Variants in DMD observed in about 807,000 individuals in gnomAD.
DMD encodes the protein mutant dystrophin.
Under a neutral mutation model 330.1 loss-of-function variants are expected in DMD, and 63 were observed. The ratio of observed to expected loss-of-function variants is 0.19; its 90% CI spans 0.16 to 0.24. The LOEUF (loss-of-function observed/expected upper bound fraction) is 0.24, where lower values mean the gene tolerates loss of function less well. DMD is among the 10% of genes least tolerant of loss of function. The pLI is 1.00. For synonymous variants in DMD, 1,223 were observed against 959.8 expected (o/e 1.27, Z -5.07); for missense variants, 3,344 against 2,684.1 (o/e 1.25, Z -5.43).
chrX:32,237,073 AAT>A (rs1218974333), intron 43 of DMD, among the ~76,000 whole-genome samples: 3 of 111,172 alleles, frequency 2.7e-5, no homozygotes, highest in Non-Finnish European at 5.7e-5. Flanking sequence ...AAAATGATCA[AAT>A]ATATGTCTTT....
intron 11 of DMD, among the ~76,000 whole-genome samples, chrX:32,621,796 G>C (rs1287110973): frequency 9.0e-6 from 1 of 110,898 alleles, no homozygotes; most frequent in African/African-American, 3.3e-5. Flanking sequence ...CTCTTCATTA[G>C]TGGTTCTGAA....
At chrX:33,004,035 A>G (rs2093344263) in intron 2 of DMD, among the ~76,000 whole-genome samples, 1 of 112,364 alleles carries the variant, frequency 8.9e-6, no homozygotes, top group Admixed American at 9.5e-5. Flanking sequence ...AACGCTCCAG[A>G]TTCTTGAAGA....
intron 44 of DMD, among the ~76,000 whole-genome samples, chrX:32,080,391 T>G (rs2096383179): frequency 8.9e-6 from 1 of 112,105 alleles, no homozygotes; most frequent in African/African-American, 3.2e-5. Context: ...GCTTATAATA[T>G]CTTAGCTAAC....
chrX:31,706,773 A>G (rs187247517), intron 52 of DMD, among the ~76,000 whole-genome samples: 1 of 112,487 alleles, frequency 8.9e-6, no homozygotes, highest in Admixed American at 9.5e-5. Context: ...TTGCTCCTGA[A>G]AATTAGAAAG....
chrX:32,359,190 A>C (rs925576699), intron 37 of DMD, among the ~76,000 whole-genome samples: 18 of 111,911 alleles, frequency 1.6e-4, no homozygotes, highest in African/African-American at 5.9e-4. Flanking sequence ...ATCTGAACTG[A>C]GGATCCCTTT....
In DMD at chrX:32,554,909, G is replaced by T. The variant is rs1407464760; in HGVS notation, c.1993-9575C>A. On this transcript the variant is annotated intron_variant, in intron 16 of 78. Coordinates refer to ENST00000357033, the MANE Select transcript of DMD (RefSeq NM_004006.3). Reference sequence around the variant, plus strand: ...AGAAAGAAAGAAAGAAAGAAAGAAAGAAAGAAAGAAAGAAAGAAAGAAAGA... The same window carrying T: ...AGAAAGAAAGAAAGAAAGAAAGAAATAAAGAAAGAAAGAAAGAAAGAAAGA... 4.5e-5 allele frequency among the ~76,000 whole-genome samples: 2 copies of T among 44,653 alleles called. 1 individual carries two copies. Among genetic ancestry groups the T allele is most frequent in the African/African-American group, 2.0e-4 (2 of 9,867 alleles). The allele number at this position is 44,653 out of a possible 115,157, so 38.8% of individuals were successfully genotyped here.
intron 9 of DMD, among the ~76,000 whole-genome samples, chrX:32,680,105 G>T (rs1377409632): frequency 2.8e-5 from 3 of 106,300 alleles, no homozygotes; most frequent in African/African-American, 1.0e-4. Flanking sequence ...CTTGAGACGG[G>T]GCTTCACCAT....
chrX:32,990,477 G>A (rs2092945737), intron 2 of DMD, among the ~76,000 whole-genome samples: 1 of 111,903 alleles, frequency 8.9e-6, no homozygotes, highest in African/African-American at 3.3e-5. Flanking sequence ...CTTCAAGAGA[G>A]GGAGTGGAGT....
chrX:31,256,197 G>C (rs2049943147), intron 63 of DMD, among the ~76,000 whole-genome samples: 1 of 111,775 alleles, frequency 8.9e-6, no homozygotes, highest in Non-Finnish European at 1.9e-5. Context: ...ATGACTATTG[G>C]GGGTAGTCAC....
intron 75 of DMD, among the ~76,000 whole-genome samples, chrX:31,146,619 A>T (rs970101470): frequency 1.8e-5 from 2 of 111,656 alleles, no homozygotes; most frequent in Non-Finnish European, 3.8e-5. Flanking sequence ...CTCCCTTATA[A>T]ATTTGAGAAA....
intron 47 of DMD, among the ~76,000 whole-genome samples, chrX:31,912,618 G>T (rs1464856765): frequency 8.9e-6 from 1 of 111,739 alleles, no homozygotes; most frequent in Non-Finnish European, 1.9e-5. Flanking sequence ...TAGTTATAAT[G>T]ATTTAAAATT....
intron 1 of DMD, among the ~76,000 whole-genome samples, chrX:33,182,459 A>T (rs1411757872): frequency 9.2e-6 from 1 of 108,801 alleles, no homozygotes; most frequent in African/African-American, 3.4e-5. Flanking sequence ...TTTTGTAGAG[A>T]TGAGGTCTCA....
chrX:33,268,463 T>C (rs5972800), intron 1 of DMD, among the ~76,000 whole-genome samples: 24,047 of 110,107 alleles, frequency 0.22, 3,096 homozygotes, highest in African/African-American at 0.49. Context: ...CTGACAAAAG[T>C]CTAATATTAA....
intron 48 of DMD, among the ~76,000 whole-genome samples, chrX:31,849,898 A>AT (rs1420877313): frequency 9.0e-6 from 1 of 111,027 alleles, no homozygotes; most frequent in Admixed American, 9.6e-5. Flanking sequence ...CATTCACTTA[A>AT]TTTTTTTTAA....
rs773939250 is a variant in DMD, at chrX:31,289,251, C to CAAAAAAAAAAAAAAAAAAA, written c.9225-28236_9225-28235insTTTTTTTTTTTTTTTTTTT. On this transcript the variant is annotated intron_variant, in intron 62 of 78. Transcript: ENST00000357033. ...CTGCACTCCAGCCTGGGTGACAGAG[C>CAAAAAAAAAAAAAAAAAAA]AAAAAAAAAAAAAATAAAAAATAAA... 2.1e-3 allele frequency among the ~76,000 whole-genome samples: 49 copies of CAAAAAAAAAAAAAAAAAAA among 23,535 alleles called. 3 individuals are homozygous for CAAAAAAAAAAAAAAAAAAA. The highest frequency in any genetic ancestry group is 3.0e-3 in the Non-Finnish European group (38 of 12,652). 20.4% of individuals were successfully genotyped at this position (23,535 alleles called of 115,157 possible). A position where few individuals can be genotyped will look rare whatever the true frequency, so the allele number is the denominator to read the frequency against.
chrX:32,170,098 C>T (rs1429035591), intron 44 of DMD, among the ~76,000 whole-genome samples: 1 of 110,647 alleles, frequency 9.0e-6, no homozygotes, highest in Non-Finnish European at 1.9e-5. Context: ...AGATAATGGG[C>T]TGTATCCCAT....
chrX:32,406,748 A>C (rs149798218), intron 30 of DMD, among the ~76,000 whole-genome samples: 3,957 of 111,160 alleles, frequency 0.036, 156 homozygotes, highest in African/African-American at 0.12. Flanking sequence ...CAGTAACCAA[A>C]ACAGCATGGT....
At chrX:33,106,457 A>AT (rs201591559) in intron 1 of DMD, among the ~76,000 whole-genome samples, 3,046 of 112,047 alleles carry the variant, frequency 0.027, 111 homozygotes, top group African/African-American at 0.094. Context: ...TAAAATGTAT[A>AT]TTCCAATAAG....
chrX:31,122,032 T>TTGTCTTCACCCA, intron 78 of DMD, 102 bp from the exon 79 acceptor site: 1 of 645,367 alleles, frequency 1.5e-6, no homozygotes, highest in Non-Finnish European at 2.5e-6. Flanking sequence ...CATTTCTGGG[T>TTGTCTTCACCCA]GAAGACAACA....
Sources: gnomAD v4.1 joint callset for allele counts (sites outside exome capture counted in the v4.1 genomes callset) on GRCh38, gnomAD v4.1.1 for gene constraint, MANE v1.5 for transcripts, NCBI Gene and HGNC (gene_info 2026-07-23, HGNC 2026-07-21) for gene names.